The following PAPPA2 variants were observed in gnomAD, a reference collection of about 807,000 sequenced individuals.
PAPPA2 encodes the protein pappalysin-2.
Under a neutral mutation model 176.4 loss-of-function variants are expected in PAPPA2, and 86 were observed. The ratio of observed to expected loss-of-function variants is 0.49; its 90% CI spans 0.41 to 0.58. The LOEUF (loss-of-function observed/expected upper bound fraction) is 0.58, where lower values mean the gene tolerates loss of function less well. Among genes scored for constraint, PAPPA2 ranks in the 20% least tolerant of loss-of-function variants. PAPPA2 has a pLI of 0.00. For synonymous variants in PAPPA2, 809 were observed against 852.2 expected, an observed-to-expected ratio of 0.95 and a Z score of 0.88; for missense variants, 2,073 against 2,256.9, an observed-to-expected ratio of 0.92 and a Z score of 1.65.
At chr1:176,478,770 C>T (rs1053202434) in intron 1 of PAPPA2, among the ~76,000 whole-genome samples, 2 of 152,174 alleles carry the variant, frequency 1.3e-5, no homozygotes, top group Admixed American at 6.5e-5. Flanking sequence ...GGAGTAATCT[C>T]GCTCAACCAT....
intron 1 of PAPPA2, among the ~76,000 whole-genome samples, chr1:176,491,527 TG>T (rs1255442215): frequency 6.6e-6 from 1 of 152,018 alleles, no homozygotes; most frequent in Non-Finnish European, 1.5e-5. Context: ...ATGAGCAGAT[TG>T]GGGGAAAGAT....
At chr1:176,658,513 T>C (rs1263454137) in intron 3 of PAPPA2, among the ~76,000 whole-genome samples, 1 of 152,022 alleles carries the variant, frequency 6.6e-6, no homozygotes, top group Non-Finnish European at 1.5e-5. Flanking sequence ...AGATTAGACT[T>C]AATGACATAG....
chr1:176,771,339 A>G (rs1664215801), intron 17 of PAPPA2, among the ~76,000 whole-genome samples, 159 bp downstream of exon 17: 1 of 152,242 alleles, frequency 6.6e-6, no homozygotes, highest in Non-Finnish European at 1.5e-5. Context: ...CTCCAATAGA[A>G]GATCCCACAG....
intron 2 of PAPPA2, among the ~76,000 whole-genome samples, chr1:176,592,096 G>A (rs544809047): frequency 1.6e-4 from 24 of 152,196 alleles, no homozygotes; most frequent in Non-Finnish European, 3.4e-4. Flanking sequence ...TGCTGGCATT[G>A]AGTTAGAGAA....
chr1:176,813,010 C>T (rs757535168), intron 21 of PAPPA2, among the ~76,000 whole-genome samples: 4 of 152,052 alleles, frequency 2.6e-5, no homozygotes, highest in Non-Finnish European at 4.4e-5. Flanking sequence ...TCTCATCATT[C>T]AGCTCCCACT....
chr1:176,643,265 T>G (rs1657202542), intron 3 of PAPPA2, among the ~76,000 whole-genome samples: 1 of 151,826 alleles, frequency 6.6e-6, no homozygotes. Context: ...GGACTGTAAA[T>G]TCATGTCTGT....
chr1:176,559,768 T>C (rs1176693706), intron 2 of PAPPA2, among the ~76,000 whole-genome samples: 2 of 152,204 alleles, frequency 1.3e-5, no homozygotes, highest in Non-Finnish European at 2.9e-5. Flanking sequence ...CCACTTGGAA[T>C]GATCCGAGGT....
intron 1 of PAPPA2, among the ~76,000 whole-genome samples, chr1:176,521,472 A>C (rs1208519407): frequency 6.6e-6 from 1 of 152,188 alleles, no homozygotes; most frequent in East Asian, 1.9e-4. Context: ...TTGATCTTCC[A>C]GTTATCCCAC....
intron 3 of PAPPA2, among the ~76,000 whole-genome samples, chr1:176,652,510 G>C (rs1040611310): frequency 1.3e-5 from 2 of 151,724 alleles, no homozygotes; most frequent in African/African-American, 4.8e-5. Context: ...AAACTGGCTA[G>C]GGATTCATGC....
At chr1:176,633,911 T>C (rs1656501978) in intron 3 of PAPPA2, among the ~76,000 whole-genome samples, 1 of 152,190 alleles carries the variant, frequency 6.6e-6, no homozygotes, top group Non-Finnish European at 1.5e-5. Flanking sequence ...TCACACCAGT[T>C]AGAATGGCGA....
intron 22 of PAPPA2, 56 bp downstream of exon 22, chr1:176,840,327 G>GAAGACCC: frequency 3.7e-6 from 5 of 1,368,042 alleles, no homozygotes; most frequent in Non-Finnish European, 5.2e-6. Flanking sequence ...TAAAGGCAGG[G>GAAGACCC]TCTTCAGCTA....
chr1:176,482,298 C>T (rs748841332), intron 1 of PAPPA2, among the ~76,000 whole-genome samples: 4 of 152,174 alleles, frequency 2.6e-5, no homozygotes, highest in Admixed American at 6.5e-5. Context: ...ATAATGAATG[C>T]AGCTGCTTTT....
In PAPPA2 at chr1:176,714,408, G is replaced by GA. The variant is rs768658419; in HGVS notation, c.3798+2439dup. ...ATTGGGAGACTTAGCCTTACTGGGA[G>GA]AAAAAAAAAAAAGGATACCTTGAGG... is the stretch of plus-strand genomic sequence containing the variant. On this transcript the variant is annotated intron_variant, in intron 12 of 22. Coordinates refer to ENST00000367662, the MANE Select transcript of PAPPA2 (RefSeq NM_020318.3). Among the ~76,000 whole-genome samples the GA allele has an allele frequency of 1.5e-3, 206 of 136,034 alleles. 1 individual carries two copies. Among genetic ancestry groups the GA allele is most frequent in the Admixed American group, 4.0e-3 (54 of 13,522 alleles). The allele number at this position is 136,034 out of a possible 152,430, so 89.2% of individuals were successfully genotyped here.
intron 12 of PAPPA2, among the ~76,000 whole-genome samples, chr1:176,723,479 GTT>G (rs11343754): frequency 1.4e-4 from 21 of 150,496 alleles, no homozygotes; most frequent in East Asian, 1.9e-4. Context: ...AGGTGGTTAG[GTT>G]TTTTTTTTTA....
intron 3 of PAPPA2, among the ~76,000 whole-genome samples, chr1:176,659,508 C>T (rs1558502289): frequency 6.6e-6 from 1 of 151,968 alleles, no homozygotes; most frequent in African/African-American, 2.4e-5. Flanking sequence ...CTGCAAAGAC[C>T]CTATTTCCAA....
At chr1:176,723,199 C>A (rs1661706406) in intron 12 of PAPPA2, among the ~76,000 whole-genome samples, 1 of 152,182 alleles carries the variant, frequency 6.6e-6, no homozygotes, top group African/African-American at 2.4e-5. Context: ...CTGTTCATGA[C>A]AGCAGAGTCC....
At chr1:176,678,150 T>A (rs1659398665) in intron 4 of PAPPA2, among the ~76,000 whole-genome samples, 1 of 152,104 alleles carries the variant, frequency 6.6e-6, no homozygotes, top group Non-Finnish European at 1.5e-5. Context: ...TAGAAGTGGG[T>A]GTGCTTTGCA....
At chr1:176,574,720 A>G (rs1412990467) in intron 2 of PAPPA2, among the ~76,000 whole-genome samples, 1 of 152,248 alleles carries the variant, frequency 6.6e-6, no homozygotes, top group Non-Finnish European at 1.5e-5. Context: ...TTTTTCTGCA[A>G]GAAAATACAG....
intron 1 of PAPPA2, among the ~76,000 whole-genome samples, chr1:176,501,753 T>TA (rs1386249869): frequency 6.6e-6 from 1 of 152,106 alleles, no homozygotes; most frequent in African/African-American, 2.4e-5. Flanking sequence ...AGTGGCTGAG[T>TA]AAAAAACAAC....
Sources: allele counts gnomAD v4.1 joint callset (sites outside exome capture counted in the v4.1 genomes callset), GRCh38; gene constraint gnomAD v4.1.1; transcripts MANE v1.5; gene names NCBI Gene and HGNC (gene_info 2026-07-23, HGNC 2026-07-21).